Variants in LCK observed in about 807,000 individuals in gnomAD.
The protein encoded by LCK is tyrosine-protein kinase Lck.
LCK carries 14 observed loss-of-function variants against 64.6 expected under a neutral mutation model. That is an observed-to-expected ratio of 0.22 (90% CI 0.14 to 0.34). The LOEUF is 0.34. Ranked by LOEUF, LCK falls within the 10% of genes least tolerant of loss-of-function variation. The probability of loss-of-function intolerance (pLI) is 1.00; values close to 1 mark genes in which losing one functional copy is unlikely to be tolerated. For synonymous variants in LCK, 277 were observed against 263.6 expected, an observed-to-expected ratio of 1.05 and a Z score of -0.49; for missense variants, 434 against 668.1, an observed-to-expected ratio of 0.65 and a Z score of 3.86.
intron 1 of LCK, among the ~76,000 whole-genome samples, chr1:32,270,876 G>A (rs1640062443): frequency 6.7e-6 from 1 of 150,182 alleles, no homozygotes; most frequent in African/African-American, 2.5e-5. Context: ...ATTAATTTTT[G>A]GATTTTTAGT....
chr1:32,256,523 G>A (rs543125912), intron 1 of LCK, among the ~76,000 whole-genome samples: 21 of 151,932 alleles, frequency 1.4e-4, no homozygotes, highest in African/African-American at 4.8e-4. Context: ...GCTTGAACTC[G>A]GGAAGTGGAG....
intron 9 of LCK, 27 bp from the exon 10 acceptor site, chr1:32,279,644 G>A: frequency 6.2e-7 from 1 of 1,613,896 alleles, no homozygotes; most frequent in Non-Finnish European, 8.5e-7. Context: ...GGCAACTTGG[G>A]CCAGCAACTC....
At chr1:32,268,108 C>T (rs959545946) in intron 1 of LCK, among the ~76,000 whole-genome samples, 7 of 151,668 alleles carry the variant, frequency 4.6e-5, no homozygotes, top group Admixed American at 4.6e-4. Context: ...GCAGGAGAAT[C>T]GCTTGAACCC....
intron 1 of LCK, among the ~76,000 whole-genome samples, chr1:32,258,476 CTT>C (rs1009364776): frequency 7.4e-6 from 1 of 134,278 alleles, no homozygotes; most frequent in African/African-American, 2.8e-5. Flanking sequence ...GACTCCATCT[CTT>C]TAAAAAAAAA....
intron 11 of LCK, 22 bp from the exon 12 acceptor site, chr1:32,280,057 C>T: frequency 6.2e-7 from 1 of 1,614,068 alleles, no homozygotes; most frequent in Non-Finnish European, 8.5e-7. Context: ...ACCCAGGTGA[C>T]CTCACTCTGC....
At chr1:32,279,646 C>T (rs776779259) in intron 9 of LCK, 25 bp from the exon 10 acceptor site, 4 of 1,613,774 alleles carry the variant, frequency 2.5e-6, no homozygotes, top group Non-Finnish European at 3.4e-6. Flanking sequence ...CAACTTGGGC[C>T]AGCAACTCTT....
chr1:32,253,588 T>G (rs1041560549), intron 1 of LCK, among the ~76,000 whole-genome samples: 7 of 152,066 alleles, frequency 4.6e-5, no homozygotes, highest in Non-Finnish European at 7.4e-5. Flanking sequence ...GGCCAGCACA[T>G]AGTAGGTGTT....
In LCK at chr1:32,275,541, G is replaced by T; in HGVS notation, c.378-28G>T. The T allele has an allele frequency of 6.4e-7, 1 of 1,557,442 alleles. No homozygotes were observed. Among genetic ancestry groups the T allele is most frequent in the Non-Finnish European group, 8.7e-7 (1 of 1,147,678 alleles). On this transcript the variant is annotated intron_variant, in intron 5 of 12. Transcript: ENST00000336890. The surrounding 1 kb of genome is among the most constrained non-coding windows in gnomAD (Gnocchi z 6.9). ...GGAGGAAGATCCGACGACAGCCGAC[G>T]GCCTTCGTTCGCTTCCGCCCTGCAC...
At chr1:32,258,473 T>A (rs1401788626) in intron 1 of LCK, among the ~76,000 whole-genome samples, 2 of 136,048 alleles carry the variant, frequency 1.5e-5, no homozygotes, top group Non-Finnish European at 3.1e-5. Flanking sequence ...TGAGACTCCA[T>A]CTCTTTAAAA....
At chr1:32,257,336 C>A (rs1166034988) in intron 1 of LCK, among the ~76,000 whole-genome samples, 1 of 151,408 alleles carries the variant, frequency 6.6e-6, no homozygotes, top group Non-Finnish European at 1.5e-5. Context: ...GTAGCCTTGA[C>A]CTCCCCAATC....
At chr1:32,262,868 GAAA>G (rs539749343) in intron 1 of LCK, among the ~76,000 whole-genome samples, 64 of 85,590 alleles carry the variant, frequency 7.5e-4, no homozygotes, top group African/African-American at 2.2e-3. Context: ...GAGGAAGGGA[GAAA>G]AAAAAAAAAA....
chr1:32,252,116 G>A (rs1302610527), intron 1 of LCK, among the ~76,000 whole-genome samples: 1 of 152,178 alleles, frequency 6.6e-6, no homozygotes, highest in East Asian at 1.9e-4. Context: ...AAGTGAAAGA[G>A]AATGATGGGA....
chr1:32,279,768 G>T lies in LCK; in HGVS notation c.1041+21G>T, dbSNP rs200600472. 6.0e-5 allele frequency: 97 copies of T among 1,609,208 alleles called. No individual in the cohort carries two copies. In the Middle Eastern group the frequency reaches 1.7e-3, roughly 27 times the overall value. ...CCCAAGTAAGGAGACTGGGGAGGGG[G>T]GCTGGGCAAGGGAACAGACCAGTGA... On this transcript the variant is annotated intron_variant, in intron 10 of 12. Transcript: ENST00000336890.
chr1:32,275,182 C>A lies in LCK; in HGVS notation c.278+99C>A. On this transcript the variant is annotated intron_variant, in intron 4 of 12. Coordinates refer to ENST00000336890, the MANE Select transcript of LCK (RefSeq NM_005356.5). The surrounding 1 kb of genome is among the most constrained non-coding windows in gnomAD (Gnocchi z 6.9). ...CGGCCCTTGACCAGCTCGGGGTGGC[C>A]GCCCTTGGGACAAAATTCGAGGCTC... 1 of 1,464,936 alleles carries A rather than the reference C, an allele frequency of 6.8e-7. No homozygotes were observed. Among genetic ancestry groups the A allele is most frequent in the Non-Finnish European group, 9.5e-7 (1 of 1,056,080 alleles). The allele number at this position is 1,464,936 out of a possible 1,614,324, so 90.7% of individuals were successfully genotyped here.
In LCK at chr1:32,275,299, C is replaced by G. The variant is rs1279423904; in HGVS notation, c.279-22C>G. ...CAGGTCGACGGCTGAGCGAGCCACA[C>G]TGACCCACCTCCGTGGCGCAGGAGC... On this transcript the variant is annotated intron_variant, in intron 4 of 12. Coordinates refer to ENST00000336890, the MANE Select transcript of LCK (RefSeq NM_005356.5). The surrounding 1 kb of genome is among the most constrained non-coding windows in gnomAD (Gnocchi z 6.9). 9.3e-6 allele frequency: 15 copies of G among 1,612,904 alleles called. No homozygotes were observed. The highest frequency in any genetic ancestry group is 1.3e-5 in the Non-Finnish European group (15 of 1,178,886).
At chr1:32,262,371 C>T (rs111247665) in intron 1 of LCK, among the ~76,000 whole-genome samples, 11,421 of 147,612 alleles carry the variant, frequency 0.077, 717 homozygotes, top group East Asian at 0.23. Context: ...TGTGGTGGTG[C>T]GTGCCTATAA....
At position 32,276,092 on chromosome 1, in the gene LCK, C is replaced by T; in HGVS notation, c.631+29C>T. 1 of 1,612,152 alleles carries T rather than the reference C, an allele frequency of 6.2e-7. No homozygotes were observed. The highest frequency in any genetic ancestry group is 8.5e-7 in the Non-Finnish European group (1 of 1,179,036). On this transcript the variant is annotated intron_variant, in intron 7 of 12. Coordinates refer to ENST00000336890, the MANE Select transcript of LCK (RefSeq NM_005356.5). The surrounding 1 kb of genome is among the most constrained non-coding windows in gnomAD (Gnocchi z 4.6). ...AGCCCGACGGGACCCCTCCCCCGTG[C>T]CCTATCAGCCTATCTCCCCTCAGTC...
intron 12 of LCK, 45 bp from the exon 13 acceptor site, chr1:32,285,469 C>T: frequency 6.4e-7 from 1 of 1,552,078 alleles, no homozygotes; most frequent in Non-Finnish European, 8.9e-7. Flanking sequence ...TGCCTGTGGG[C>T]TTCCAGTGCC....
intron 1 of LCK, among the ~76,000 whole-genome samples, chr1:32,259,044 G>A (rs1289256876): frequency 6.6e-6 from 1 of 151,108 alleles, no homozygotes; most frequent in Admixed American, 6.6e-5. Context: ...AAAGTATTAT[G>A]TATTTAAACA....
Sources: allele counts gnomAD v4.1 joint callset (sites outside exome capture counted in the v4.1 genomes callset), GRCh38; gene constraint gnomAD v4.1.1; non-coding constraint Gnocchi (gnomAD v3.1); transcripts MANE v1.5; gene names NCBI Gene and HGNC (gene_info 2026-07-23, HGNC 2026-07-21).